The following PGGT1B variants were observed in gnomAD, a reference collection of about 807,000 sequenced individuals.
The protein encoded by PGGT1B is geranylgeranyl transferase type-1 subunit beta.
PGGT1B carries 30 observed loss-of-function variants against 46.1 expected under a neutral mutation model. That is an observed-to-expected ratio of 0.65 (90% CI 0.49 to 0.88). The LOEUF (loss-of-function observed/expected upper bound fraction) is 0.88. PGGT1B is among the 40% of genes least tolerant of loss of function. The pLI is 0.00. For synonymous variants in PGGT1B, 170 were observed against 160.0 expected (o/e 1.06, Z -0.47); for missense variants, 376 against 455.9 (o/e 0.82, Z 1.60).
At chr5:115,214,836 G>C (rs1054664122) in intron 8 of PGGT1B, among the ~76,000 whole-genome samples, 1 of 152,142 alleles carries the variant, frequency 6.6e-6, no homozygotes, top group African/African-American at 2.4e-5. Flanking sequence ...ACCCTGCACT[G>C]GTTTAAAAAA....
chr5:115,223,546 C>T (rs1282449567), intron 6 of PGGT1B, among the ~76,000 whole-genome samples: 1 of 152,158 alleles, frequency 6.6e-6, no homozygotes, highest in Non-Finnish European at 1.5e-5. Flanking sequence ...GACAGATTCT[C>T]CTCTGGAGAC....
rs1003310498 is a variant in PGGT1B, at chr5:115,217,078, G to T, written c.844-105C>A. The T allele has an allele frequency of 1.8e-4, 117 of 649,174 alleles. 1 individual carries two copies. Among genetic ancestry groups the T allele is most frequent in the Non-Finnish European group, 3.3e-5 (12 of 360,742 alleles). 40.2% of individuals were successfully genotyped at this position (649,174 alleles called of 1,614,324 possible). On this transcript the variant is annotated intron_variant, in intron 7 of 8. Coordinates refer to ENST00000419445, the MANE Select transcript of PGGT1B (RefSeq NM_005023.4). Reference sequence around the variant, plus strand: ...TTAGATATGCTTTTCTTTAGCTAAGGTGCTCAGACCAAGTCTCTGGGGCCT... The same window carrying T: ...TTAGATATGCTTTTCTTTAGCTAAGTTGCTCAGACCAAGTCTCTGGGGCCT...
In PGGT1B at chr5:115,222,197, T is replaced by C. The variant is rs555563136; in HGVS notation, c.659-189A>G. Among the ~76,000 whole-genome samples the C allele has an allele frequency of 7.9e-5, 12 of 152,230 alleles. No individual in the cohort carries two copies. In the South Asian group the frequency reaches 1.7e-3, roughly 21 times the overall value. On this transcript the variant is annotated intron_variant, in intron 6 of 8. Coordinates refer to ENST00000419445, the MANE Select transcript of PGGT1B (RefSeq NM_005023.4). ...TCAATATTTGTTAAAACAGAGAATA[T>C]AAAGCTATAAGAAACATTTTACTTA...
At chr5:115,241,474 G>A in intron 3 of PGGT1B, 65 bp downstream of exon 3, 1 of 1,011,342 alleles carries the variant, frequency 9.9e-7, no homozygotes, top group Non-Finnish European at 1.4e-6. Context: ...TAACTTCTTA[G>A]TTTTCTCTTT....
At position 115,204,667 on chromosome 5, in the gene PGGT1B, T is replaced by G. The variant is rs1756014727; in HGVS notation, c.*7735A>C. On this transcript the variant is annotated 3_prime_UTR_variant, in exon 9 of 9. Transcript: ENST00000419445. ...TTGAGTTTATGAATGGCTACACTGT[T>G]TCTGGATGGCAATTCTTGGCAGTAA... 6.6e-6 allele frequency: 1 copy of G among 152,136 alleles called. No homozygotes were observed. Among genetic ancestry groups the G allele is most frequent in the African/African-American group, 2.4e-5 (1 of 41,438 alleles). 9.4% of individuals were successfully genotyped at this position (152,136 alleles called of 1,614,324 possible).
chr5:115,206,639 G>A lies in PGGT1B; in HGVS notation c.*5763C>T, dbSNP rs1357520567. On this transcript the variant is annotated 3_prime_UTR_variant, in exon 9 of 9. Coordinates refer to ENST00000419445, the MANE Select transcript of PGGT1B (RefSeq NM_005023.4). ...CATACTTTAACAGTTGCATAGTATT[G>A]AGTTACATAAATGTATCATAATGTG... 3 of 151,878 alleles carry A rather than the reference G, an allele frequency of 2.0e-5. No homozygotes were observed. The highest frequency in any genetic ancestry group is 4.4e-5 in the Non-Finnish European group (3 of 67,878). The allele number at this position is 151,878 out of a possible 1,614,324, so 9.4% of individuals were successfully genotyped here. A position where few individuals can be genotyped will look rare whatever the true frequency, so the allele number is the denominator to read the frequency against.
At chr5:115,242,118 A>G (rs1757365095) in intron 2 of PGGT1B, among the ~76,000 whole-genome samples, 1 of 152,358 alleles carries the variant, frequency 6.6e-6, no homozygotes, top group African/African-American at 2.4e-5. Context: ...GTATTTCCAC[A>G]TTAGCTAGAC....
At chr5:115,232,820 G>C (rs1370314672) in intron 5 of PGGT1B, among the ~76,000 whole-genome samples, 1 of 151,998 alleles carries the variant, frequency 6.6e-6, no homozygotes. Context: ...GCAAGTCAAA[G>C]TGGCAGGGCT....
At chr5:115,260,025 T>A (rs921044712) in intron 1 of PGGT1B, among the ~76,000 whole-genome samples, 1 of 152,206 alleles carries the variant, frequency 6.6e-6, no homozygotes, top group African/African-American at 2.4e-5. Context: ...AGAAACCTGG[T>A]AATTGATAAA....
intron 6 of PGGT1B, among the ~76,000 whole-genome samples, chr5:115,227,604 T>C (rs1580753994): frequency 6.6e-6 from 1 of 152,188 alleles, no homozygotes; most frequent in Non-Finnish European, 1.5e-5. Context: ...GATTTCCCTG[T>C]ATGGCCTGAC....
chr5:115,253,473 G>T (rs1748189490), intron 1 of PGGT1B, among the ~76,000 whole-genome samples: 1 of 151,800 alleles, frequency 6.6e-6, no homozygotes, highest in Admixed American at 6.6e-5. Context: ...ACATTTGGGG[G>T]TTAAGAAACC....
intron 1 of PGGT1B, among the ~76,000 whole-genome samples, chr5:115,257,238 C>T (rs1300456801): frequency 2.6e-5 from 4 of 152,196 alleles, no homozygotes; most frequent in East Asian, 1.9e-4. Context: ...GAAGGATGGG[C>T]GCAGTGGCTC....
rs900996494 is a variant in PGGT1B, at chr5:115,241,551, G to T, written c.315C>A (p.Phe105Leu). Residue 105 changes from phenylalanine (F) to leucine (L), a missense_variant, in exon 3 of 9, where the codon TTC becomes TTA. By Grantham distance (22) the Phe-to-Leu change is conservative. This residue lies in a region of PGGT1B where 154 missense variants were observed against 142.3 expected (regional missense o/e 1.08). Coordinates refer to ENST00000419445, the MANE Select transcript of PGGT1B (RefSeq NM_005023.4). Reference protein sequence around the residue: ...FRGSSYLGIPFNPSKAPGTAH... With the variant: ...FRGSSYLGIPLNPSKAPGTAH... ...AAATAGAACCAACCTTTGATGGATT[G>T]AACGGAATACCCAGGTATGAAGAGC... The T allele has an allele frequency of 6.2e-7, 1 of 1,604,864 alleles. No individual in the cohort carries two copies.
intron 5 of PGGT1B, among the ~76,000 whole-genome samples, chr5:115,234,635 C>G (rs1023230133): frequency 9.2e-5 from 14 of 151,966 alleles, no homozygotes; most frequent in African/African-American, 3.4e-4. Context: ...AAATAAGTAA[C>G]TGGAGTACTT....
At chr5:115,261,002 A>G (rs538442651) in intron 1 of PGGT1B, among the ~76,000 whole-genome samples, 1 of 152,336 alleles carries the variant, frequency 6.6e-6, no homozygotes, top group South Asian at 2.1e-4. Context: ...TTTAACAATC[A>G]CAATTTAATC....
At chr5:115,219,236 G>A (rs1342480979) in intron 7 of PGGT1B, among the ~76,000 whole-genome samples, 3 of 151,776 alleles carry the variant, frequency 2.0e-5, no homozygotes, top group African/African-American at 7.2e-5. Flanking sequence ...GTATAGTACT[G>A]GCACAAGGGC....
In PGGT1B at chr5:115,207,581, T is replaced by A. The variant is rs780576108; in HGVS notation, c.*4821A>T. Reference sequence around the variant, plus strand: ...CTGTCTGTTTTGAACTTCACCGAAATGGAATCAAAGTATGCACTTGTGTCT... The same window carrying A: ...CTGTCTGTTTTGAACTTCACCGAAAAGGAATCAAAGTATGCACTTGTGTCT... On this transcript the variant is annotated 3_prime_UTR_variant, in exon 9 of 9. Coordinates refer to ENST00000419445, the MANE Select transcript of PGGT1B (RefSeq NM_005023.4). 1 of 152,002 alleles carries A rather than the reference T, an allele frequency of 6.6e-6. No homozygotes were observed. The highest frequency in any genetic ancestry group is 2.4e-5 in the African/African-American group (1 of 41,426). The allele number at this position is 152,002 out of a possible 1,614,324, so 9.4% of individuals were successfully genotyped here. A position where few individuals can be genotyped will look rare whatever the true frequency, so the allele number is the denominator to read the frequency against.
At chr5:115,214,548 G>A (rs1165249756) in intron 8 of PGGT1B, among the ~76,000 whole-genome samples, 1 of 152,152 alleles carries the variant, frequency 6.6e-6, no homozygotes, top group African/African-American at 2.4e-5. Flanking sequence ...TAAAGATTCT[G>A]GGACCAGATC....
chr5:115,245,897 C>T (rs1747811794), intron 2 of PGGT1B, among the ~76,000 whole-genome samples: 2 of 152,092 alleles, frequency 1.3e-5, no homozygotes, highest in African/African-American at 4.8e-5. Context: ...CTTTATTCTA[C>T]AGTAAGAGAA....
Sources: gnomAD v4.1 joint callset for allele counts (sites outside exome capture counted in the v4.1 genomes callset) on GRCh38, gnomAD v4.1.1 for gene constraint, gnomAD v4.1.1 regional missense constraint, MANE v1.5 for transcripts, NCBI Gene and HGNC (gene_info 2026-07-23, HGNC 2026-07-21) for gene names.